The following AKR1B15 variants were observed in gnomAD, a reference collection of about 807,000 sequenced individuals.
AKR1B15 encodes the protein aldo-keto reductase family 1 member B15.
A neutral mutation model predicts 38.5 loss-of-function variants in AKR1B15; 49 were observed. The ratio of observed to expected loss-of-function variants is 1.27; its 90% CI spans 1.01 to 1.62. AKR1B15 has a LOEUF of 1.62. Among genes scored for constraint, AKR1B15 ranks in the 40% most tolerant of loss-of-function variants. The pLI is 0.00. For missense variants in AKR1B15, 411 were observed against 381.6 expected (o/e 1.08, Z -0.64); for synonymous variants, 137 against 135.5 (o/e 1.01, Z -0.08).
intron 2 of AKR1B15, among the ~76,000 whole-genome samples, chr7:134,562,838 C>CTTTCT (rs1562946927): frequency 3.2e-4 from 15 of 47,572 alleles, no homozygotes; most frequent in African/African-American, 1.4e-3. Context: ...CTTTCTCTTT[C>CTTTCT]TTTCTTTCTT....
chr7:134,551,097 G>A (rs1454919760), intron 1 of AKR1B15, among the ~76,000 whole-genome samples: 1 of 152,182 alleles, frequency 6.6e-6, no homozygotes, highest in East Asian at 1.9e-4. Context: ...CAGCTCCCTC[G>A]ATTCCTCCTG....
rs1562949349 is a variant in AKR1B15, at chr7:134,568,249, A to G, written c.242A>G (p.His81Arg). ...TGTGCCTATTTCTATGAGAATCAAC[A>G]TGAGGTGGGAGAAGCCATCCAAGAG... ...IDCAYFYENQ[H>R]EVGEAIQEKI... Residue 81 changes from histidine (H) to arginine (R), a missense_variant, in exon 4 of 12, where the codon CAT (histidine) becomes CGT (arginine). By Grantham distance (29) the His-to-Arg change is conservative. Coordinates refer to ENST00000457545, the MANE Select transcript of AKR1B15 (RefSeq NM_001080538.3). The G allele has an allele frequency of 6.2e-7, 1 of 1,614,056 alleles. No homozygotes were observed. The highest frequency in any genetic ancestry group is 1.3e-5 in the African/African-American group (1 of 74,946).
intron 10 of AKR1B15, 127 bp from the exon 11 acceptor site, chr7:134,577,577 T>C: frequency 9.4e-7 from 1 of 1,059,986 alleles, no homozygotes; most frequent in Non-Finnish European, 1.4e-6. Context: ...TTGGACAGAA[T>C]GGGAAAAACT....
intron 5 of AKR1B15, chr7:134,570,412 A>G (rs1794643845): frequency 6.6e-6 from 1 of 152,126 alleles, no homozygotes; most frequent in African/African-American, 2.4e-5. Flanking sequence ...TCTGTGATCC[A>G]CACCCTATTT....
rs1374700151 is a variant in AKR1B15, at chr7:134,571,589, A to G, written c.436-15A>G. The G allele has an allele frequency of 4.4e-6, 7 of 1,606,368 alleles. No homozygotes were observed. In the Admixed American group the frequency reaches 6.7e-5, roughly 15 times the overall value. On this transcript the variant is annotated splice_polypyrimidine_tract_variant and intron_variant, in intron 5 of 11. Transcript: ENST00000457545. ...TGATGCAGATTCCAGTAAACTTTTC[A>G]TTCTGTATTTACAGACTGGGGATGA...
At chr7:134,576,241 C>T (rs1300522391) in intron 8 of AKR1B15, 108 bp from the exon 9 acceptor site, 1 of 1,239,262 alleles carries the variant, frequency 8.1e-7, no homozygotes, top group East Asian at 2.4e-5. Flanking sequence ...TGCCTGTCTC[C>T]CAGATGGAGA....
At chr7:134,562,326 T>C (rs1487746949) in intron 2 of AKR1B15, among the ~76,000 whole-genome samples, 1 of 152,166 alleles carries the variant, frequency 6.6e-6, no homozygotes, top group African/African-American at 2.4e-5. Context: ...CCTAAGCGGG[T>C]TGCCTAAGCG....
chr7:134,575,368 G>T, intron 6 of AKR1B15, 52 bp from the exon 7 acceptor site: 1 of 1,583,296 alleles, frequency 6.3e-7, no homozygotes, highest in East Asian at 2.3e-5. Context: ...GGCAAGCCAG[G>T]GTCCCTGTAG....
intron 2 of AKR1B15, among the ~76,000 whole-genome samples, chr7:134,558,297 C>A (rs1027927069): frequency 1.3e-5 from 2 of 152,228 alleles, no homozygotes; most frequent in Non-Finnish European, 1.5e-5. Context: ...ATCAATTACA[C>A]TGAAATGCCT....
Position 134,575,552 on chromosome 7 carries a change from A to C in AKR1B15, c.636+10A>C, listed in dbSNP as rs373999079. The stretch of plus-strand genomic sequence containing the variant: ...ACCAGTGACTAACCAGGTAAATTCT[A>C]TTCAGTTTAAGGGTAAGGGTCCTGC... On this transcript the variant is annotated intron_variant, in intron 7 of 11. Transcript: ENST00000457545. 6.8e-6 allele frequency: 11 copies of C among 1,613,652 alleles called. No individual in the cohort carries two copies. Among genetic ancestry groups the C allele is most frequent in the African/African-American group, 4.0e-5 (3 of 74,914 alleles).
At chr7:134,579,442 C>A in intron 11 of AKR1B15, 65 bp from the exon 12 acceptor site, 1 of 1,393,268 alleles carries the variant, frequency 7.2e-7, no homozygotes, top group Non-Finnish European at 9.8e-7. Context: ...AGAAGAATAC[C>A]TTCTCAGCGA....
chr7:134,552,529 G>T (rs1360052661), intron 1 of AKR1B15, among the ~76,000 whole-genome samples: 1 of 152,066 alleles, frequency 6.6e-6, no homozygotes, highest in Non-Finnish European at 1.5e-5. Context: ...TTACAAGCTG[G>T]TATACTCACA....
chr7:134,556,129 G>A (rs564827414), intron 1 of AKR1B15, among the ~76,000 whole-genome samples: 5 of 152,204 alleles, frequency 3.3e-5, no homozygotes, highest in African/African-American at 1.2e-4. Context: ...AAAATTCCTG[G>A]TCCCATGAAG....
Position 134,554,696 on chromosome 7 carries a change from A to G in AKR1B15, c.-146-2040A>G, listed in dbSNP as rs143368790. On this transcript the variant is annotated intron_variant, in intron 1 of 11. Transcript: ENST00000457545. ...GGTAAAACCACACTTGGCAGGGTAT[A>G]AATACCTCCTGGTGCTAGTAGACAC... Among the ~76,000 whole-genome samples, 225 of 152,302 alleles carry G rather than the reference A, an allele frequency of 1.5e-3. 1 individual carries two copies. Among genetic ancestry groups the G allele is most frequent in the African/African-American group, 5.3e-3 (219 of 41,576 alleles).
chr7:134,551,241 A>AT (rs1224303339), intron 1 of AKR1B15, among the ~76,000 whole-genome samples: 3 of 152,020 alleles, frequency 2.0e-5, no homozygotes, highest in African/African-American at 7.2e-5. Context: ...TATCCTCCCA[A>AT]TTATGGCCTC....
At chr7:134,570,897 A>G (rs944097674) in intron 5 of AKR1B15, among the ~76,000 whole-genome samples, 4 of 152,232 alleles carry the variant, frequency 2.6e-5, no homozygotes, top group Non-Finnish European at 5.9e-5. Flanking sequence ...TGTAACTGCC[A>G]TATCACCTTT....
In AKR1B15 at chr7:134,579,521, A is replaced by G. The variant is rs774074998; in HGVS notation, c.1007A>G (p.Glu336Gly). 1 of 1,596,662 alleles carries G rather than the reference A, an allele frequency of 6.3e-7. No homozygotes were observed. Among genetic ancestry groups the G allele is most frequent in the Admixed American group, 1.7e-5 (1 of 57,678 alleles). Residue 336 changes from glutamate to glycine, a missense_variant, in exon 12 of 12, where the codon GAG (glutamate) becomes GGG (glycine). By Grantham distance (98) the Glu-to-Gly change is moderately conservative. Transcript: ENST00000457545. Reference sequence around the variant, plus strand: ...TCTCTCTGTAGATTCTCTCATTTGGAGGACTTTCCCTTCGATGCAGAATAT... The same window carrying G: ...TCTCTCTGTAGATTCTCTCATTTGGGGGACTTTCCCTTCGATGCAGAATAT... ...AFDFKEFSHL[E>G]DFPFDAEY
chr7:134,555,907 A>G (rs932947179), intron 1 of AKR1B15, among the ~76,000 whole-genome samples: 3 of 152,218 alleles, frequency 2.0e-5, no homozygotes, highest in Middle Eastern at 6.8e-3. Flanking sequence ...CATGTGTGTA[A>G]CCTTGGCCAC....
At chr7:134,569,749 C>G (rs987203766) in intron 5 of AKR1B15, 1 of 489,792 alleles carries the variant, frequency 2.0e-6, no homozygotes, top group African/African-American at 1.9e-5. Context: ...GAACATTTAT[C>G]ACTTCCCCAA....
Sources: allele counts gnomAD v4.1 joint callset (sites outside exome capture counted in the v4.1 genomes callset), GRCh38; gene constraint gnomAD v4.1.1; transcripts MANE v1.5; gene names NCBI Gene and HGNC (gene_info 2026-07-23, HGNC 2026-07-21).